EPDR1: variants seen among roughly 807,000 people sequenced by gnomAD.
EPDR1 encodes the protein mammalian ependymin-related protein 1.
In EPDR1, 27 loss-of-function variants were observed where a neutral mutation model predicts 23.7. The ratio of observed to expected loss-of-function variants is 1.14; its 90% CI spans 0.84 to 1.57. The LOEUF (loss-of-function observed/expected upper bound fraction) is 1.57. EPDR1 is among the 40% of genes most tolerant of loss of function. The pLI is 0.00. For missense variants in EPDR1, 349 were observed against 290.4 expected, an observed-to-expected ratio of 1.20 and a Z score of -1.47; for synonymous variants, 137 against 118.2, an observed-to-expected ratio of 1.16 and a Z score of -1.03.
chr7:37,934,978 T>C (rs1347030866), intron 1 of EPDR1, among the ~76,000 whole-genome samples: 6 of 152,182 alleles, frequency 3.9e-5, no homozygotes, highest in Non-Finnish European at 8.8e-5. Context: ...ATAAAAATAA[T>C]ACAAATCAAA....
intron 1 of EPDR1, among the ~76,000 whole-genome samples, chr7:37,925,238 T>C (rs1785790914): frequency 6.6e-6 from 1 of 152,226 alleles, no homozygotes; most frequent in Non-Finnish European, 1.5e-5. Flanking sequence ...GGAAGCAGCG[T>C]TGATACACAA....
chr7:37,926,903 G>T, intron 1 of EPDR1: 1 of 248,608 alleles, frequency 4.0e-6, no homozygotes, highest in Non-Finnish European at 8.5e-6. Flanking sequence ...GTGGACTCAA[G>T]CCTTCTAATT....
intron 1 of EPDR1, 152 bp downstream of exon 1, chr7:37,921,360 G>C: frequency 7.1e-7 from 1 of 1,416,576 alleles, no homozygotes; most frequent in South Asian, 1.5e-5. Flanking sequence ...GTCTCTTGGG[G>C]ATAGCATGGT....
intron 1 of EPDR1, among the ~76,000 whole-genome samples, chr7:37,926,955 G>A (rs1045624103): frequency 1.3e-5 from 2 of 152,086 alleles, no homozygotes; most frequent in Admixed American, 1.3e-4. Context: ...TGTTCATAAT[G>A]TCCTAGATTT....
chr7:37,920,891 C>A lies in EPDR1; in HGVS notation c.-49C>A. 1 of 1,611,562 alleles carries A rather than the reference C, an allele frequency of 6.2e-7. No homozygotes were observed. The highest frequency in any genetic ancestry group is 1.1e-5 in the South Asian group (1 of 90,978). ...GCCACTCTGATCCCGGACGCCTCAG[C>A]GCCCCCTTGGGCTTGGGCTTGCCCT... On this transcript the variant is annotated 5_prime_UTR_variant, in exon 1 of 3. Coordinates refer to ENST00000199448, the MANE Select transcript of EPDR1 (RefSeq NM_017549.5).
At chr7:37,930,397 C>G (rs1221649527) in intron 1 of EPDR1, among the ~76,000 whole-genome samples, 1 of 152,242 alleles carries the variant, frequency 6.6e-6, no homozygotes, top group East Asian at 1.9e-4. Context: ...TGAGGAGTAT[C>G]TGAGTACCAG....
At chr7:37,930,580 C>T (rs1322458869) in intron 1 of EPDR1, among the ~76,000 whole-genome samples, 1 of 152,162 alleles carries the variant, frequency 6.6e-6, no homozygotes, top group African/African-American at 2.4e-5. Context: ...ACACCCTGTC[C>T]TTTTGAATAG....
intron 1 of EPDR1, among the ~76,000 whole-genome samples, chr7:37,936,207 C>T (rs1354495848): frequency 6.6e-6 from 1 of 150,764 alleles, no homozygotes; most frequent in African/African-American, 2.4e-5. Context: ...AAAGATGGTT[C>T]AATTTTAGAA....
intron 1 of EPDR1, among the ~76,000 whole-genome samples, chr7:37,928,252 G>A (rs55868181): frequency 0.014 from 2,169 of 152,264 alleles, 37 homozygotes; most frequent in African/African-American, 0.049. Context: ...GTGGTCAGGG[G>A]CAAAGTGCCC....
intron 2 of EPDR1, 31 bp from the exon 3 acceptor site, chr7:37,950,169 T>G (rs757154444): frequency 6.6e-7 from 1 of 1,517,804 alleles, no homozygotes; most frequent in East Asian, 2.3e-5. Flanking sequence ...CTGTCTTCTT[T>G]ATTTAAAAGT....
chr7:37,935,863 A>T (rs1472418153), intron 1 of EPDR1, among the ~76,000 whole-genome samples: 2 of 150,650 alleles, frequency 1.3e-5, no homozygotes, highest in African/African-American at 4.9e-5. Context: ...CATTCTATAA[A>T]TTTTTTTGCT....
chr7:37,921,222 G>C lies in EPDR1; in HGVS notation c.269+14G>C, dbSNP rs1187733327. On this transcript the variant is annotated intron_variant, in intron 1 of 2. Coordinates refer to ENST00000199448, the MANE Select transcript of EPDR1 (RefSeq NM_017549.5). ...CCCCTGCAAGAGGTACAGGTCATCG[G>C]CCCGCGGGGCGGGAGTAGGGAGCCG... 6.4e-7 allele frequency: 1 copy of C among 1,574,418 alleles called. No homozygotes were observed. Among genetic ancestry groups the C allele is most frequent in the East Asian group, 2.3e-5 (1 of 43,070 alleles).
chr7:37,943,923 G>A (rs1353213128), intron 1 of EPDR1, among the ~76,000 whole-genome samples: 1 of 152,202 alleles, frequency 6.6e-6, no homozygotes, highest in African/African-American at 2.4e-5. Context: ...CTGCCCTTCT[G>A]TTGCAGGTGA....
intron 1 of EPDR1, among the ~76,000 whole-genome samples, chr7:37,944,886 C>T (rs1307744615): frequency 6.6e-6 from 1 of 152,172 alleles, no homozygotes; most frequent in Non-Finnish European, 1.5e-5. Flanking sequence ...TACATATTCT[C>T]CAGGGAACAA....
intron 1 of EPDR1, among the ~76,000 whole-genome samples, chr7:37,924,469 G>A (rs1195463507): frequency 6.6e-6 from 1 of 152,166 alleles, no homozygotes; most frequent in African/African-American, 2.4e-5. Flanking sequence ...AAGTCTGTCT[G>A]AGCAACCCTT....
At chr7:37,941,009 G>C (rs1040044807) in intron 1 of EPDR1, among the ~76,000 whole-genome samples, 1 of 152,048 alleles carries the variant, frequency 6.6e-6, no homozygotes, top group Non-Finnish European at 1.5e-5. Flanking sequence ...GTAGAACATC[G>C]GGAAGCACTC....
chr7:37,931,585 A>T (rs1366761186), intron 1 of EPDR1, among the ~76,000 whole-genome samples: 3 of 151,896 alleles, frequency 2.0e-5, no homozygotes, highest in Non-Finnish European at 4.4e-5. Flanking sequence ...CGTTTCAATA[A>T]TTTTTTTTCT....
chr7:37,928,655 C>T (rs1477545782), intron 1 of EPDR1, among the ~76,000 whole-genome samples: 1 of 152,180 alleles, frequency 6.6e-6, no homozygotes, highest in African/African-American at 2.4e-5. Flanking sequence ...CTTCACTTGG[C>T]TTTCAACATG....
Position 37,951,025 on chromosome 7 carries a change from A to T in EPDR1, c.*629A>T, listed in dbSNP as rs1317920554. On this transcript the variant is annotated 3_prime_UTR_variant, in exon 3 of 3. Transcript: ENST00000199448. Reference sequence around the variant, plus strand: ...AAGGAAATGAAAAGCTAAAATAGGAAGTAATTATTCCTCTAAAGAAACATT... The same window carrying T: ...AAGGAAATGAAAAGCTAAAATAGGATGTAATTATTCCTCTAAAGAAACATT... 1.3e-5 allele frequency: 2 copies of T among 152,252 alleles called. No homozygotes were observed. Among genetic ancestry groups the T allele is most frequent in the Non-Finnish European group, 2.9e-5 (2 of 68,062 alleles). The allele number at this position is 152,252 out of a possible 1,614,324, so 9.4% of individuals were successfully genotyped here.
Sources: gnomAD v4.1 joint callset for allele counts (sites outside exome capture counted in the v4.1 genomes callset) on GRCh38, gnomAD v4.1.1 for gene constraint, MANE v1.5 for transcripts, NCBI Gene and HGNC (gene_info 2026-07-23, HGNC 2026-07-21) for gene names.